Variants in BEAN1 observed in about 807,000 individuals in gnomAD.
The protein encoded by BEAN1 is protein BEAN1.
In BEAN1, 17 loss-of-function variants were observed where a neutral mutation model predicts 17.7. The observed-to-expected ratio is 0.96, with a 90% CI of 0.66 to 1.44. The LOEUF (loss-of-function observed/expected upper bound fraction) is 1.44. BEAN1 is among the 40% of genes most tolerant of loss of function. BEAN1 has a pLI of 0.00. For synonymous variants in BEAN1, 142 were observed against 151.8 expected, an observed-to-expected ratio of 0.94 and a Z score of 0.47; for missense variants, 359 against 374.1, an observed-to-expected ratio of 0.96 and a Z score of 0.33.
intron 2 of BEAN1, among the ~76,000 whole-genome samples, chr16:66,463,557 T>C (rs1254165029): frequency 4.6e-5 from 7 of 152,252 alleles, no homozygotes; most frequent in Admixed American, 4.6e-4. Flanking sequence ...ATGAGATAAG[T>C]GATACACAAA....
intron 1 of BEAN1, among the ~76,000 whole-genome samples, chr16:66,436,903 C>T (rs542282015): frequency 1.4e-4 from 21 of 152,114 alleles, no homozygotes; most frequent in African/African-American, 3.6e-4. Flanking sequence ...GTTTCTGAAT[C>T]GGTAATTTAA....
chr16:66,459,885 G>A (rs946086380), intron 2 of BEAN1, among the ~76,000 whole-genome samples: 5 of 152,180 alleles, frequency 3.3e-5, no homozygotes, highest in African/African-American at 9.7e-5. Context: ...ACTCTGTTCC[G>A]ACACTCTGCC....
chr16:66,484,951 C>T (rs1964066514), downstream of BEAN1: 1 of 454,008 alleles, frequency 2.2e-6, no homozygotes, highest in Non-Finnish European at 4.4e-6. This position sits in a 1 kb window ranked among gnomAD's most constrained non-coding sequence, Gnocchi z 4.2. Context: ...TCAGGGGAGT[C>T]ACCGTGCTGG....
chr16:66,428,715 A>G (rs1417703341), intron 1 of BEAN1, among the ~76,000 whole-genome samples: 1 of 152,124 alleles, frequency 6.6e-6, no homozygotes, highest in African/African-American at 2.4e-5. Flanking sequence ...CCAGTGGCCA[A>G]TTGTGGTGGG....
chr16:66,472,521 T>A (rs753398340), intron 3 of BEAN1, among the ~76,000 whole-genome samples: 1 of 151,418 alleles, frequency 6.6e-6, no homozygotes, highest in Non-Finnish European at 1.5e-5. Flanking sequence ...CTGGCCAACA[T>A]GGCAAAACCT....
At chr16:66,479,357 A>C (rs1309036276) in intron 4 of BEAN1, among the ~76,000 whole-genome samples, 1 of 152,100 alleles carries the variant, frequency 6.6e-6, no homozygotes, top group Non-Finnish European at 1.5e-5. Flanking sequence ...TCCCTGAGTC[A>C]GAGCAGAGGG....
chr16:66,462,544 G>A (rs1963123623), intron 2 of BEAN1, among the ~76,000 whole-genome samples: 1 of 152,344 alleles, frequency 6.6e-6, no homozygotes, highest in Admixed American at 6.5e-5. Flanking sequence ...GCTCACACCT[G>A]TAATCCCAGC....
intron 2 of BEAN1, among the ~76,000 whole-genome samples, chr16:66,443,041 C>T (rs7198295): frequency 0.49 from 75,253 of 152,038 alleles, 19,483 homozygotes; most frequent in African/African-American, 0.6. Context: ...ACCACTTCTG[C>T]GCTCAGAGCA....
downstream of BEAN1, among the ~76,000 whole-genome samples, chr16:66,494,168 C>T (rs1334234925): frequency 6.6e-6 from 1 of 152,180 alleles, no homozygotes; most frequent in East Asian, 1.9e-4. Context: ...ACTGTGATGT[C>T]CACCAGGAGG....
In BEAN1 at chr16:66,469,483, G is replaced by A. The variant is rs1052031806; in HGVS notation, c.26-119G>A. On this transcript the variant is annotated intron_variant, in intron 2 of 4. Transcript: ENST00000536005. ...CAGCCAGGATAGAGTCCGTGGGCCT[G>A]AGCCCAGACCCTCCTCCATTTATTT... 9.5e-6 allele frequency: 12 copies of A among 1,268,220 alleles called. No homozygotes were observed. The Admixed American group carries it at 1.7e-4, about 18-fold the overall frequency. The allele number at this position is 1,268,220 out of a possible 1,614,324, so 78.6% of individuals were successfully genotyped here. A position where few individuals can be genotyped will look rare whatever the true frequency, so the allele number is the denominator to read the frequency against.
chr16:66,465,938 C>T (rs1390503351), intron 2 of BEAN1, among the ~76,000 whole-genome samples: 1 of 152,178 alleles, frequency 6.6e-6, no homozygotes, highest in Admixed American at 6.5e-5. Flanking sequence ...GTAGTAACAC[C>T]TGTAACTGGG....
At chr16:66,469,272 C>T (rs923477993) in intron 2 of BEAN1, among the ~76,000 whole-genome samples, 1 of 152,264 alleles carries the variant, frequency 6.6e-6, no homozygotes, top group Non-Finnish European at 1.5e-5. Context: ...AGCCTCAGCT[C>T]TACCACTAAT....
At chr16:66,472,279 C>T (rs1963513843) in intron 3 of BEAN1, among the ~76,000 whole-genome samples, 1 of 152,290 alleles carries the variant, frequency 6.6e-6, no homozygotes, top group Non-Finnish European at 1.5e-5. Flanking sequence ...GATTGTGCTG[C>T]ATCCATGAGA....
downstream of BEAN1, chr16:66,485,665 T>A (rs1227042860): frequency 6.2e-6 from 1 of 161,136 alleles, no homozygotes; most frequent in Non-Finnish European, 1.4e-5. Flanking sequence ...AATCCAAGGT[T>A]GCAGGTCCTC....
chr16:66,491,143 C>G (rs1282634831), intron 4 of BEAN1, among the ~76,000 whole-genome samples: 1 of 152,210 alleles, frequency 6.6e-6, no homozygotes, highest in Non-Finnish European at 1.5e-5. Flanking sequence ...GGAGGGCCGG[C>G]TCGATGTCTG....
intron 2 of BEAN1, among the ~76,000 whole-genome samples, chr16:66,457,486 A>G (rs1164602524): frequency 6.6e-6 from 1 of 152,208 alleles, no homozygotes; most frequent in Non-Finnish European, 1.5e-5. Context: ...GACTTCTTGT[A>G]GAGATGCATC....
In BEAN1 at chr16:66,481,270, G is replaced by A. The variant is rs1020836040; in HGVS notation, c.*345G>A. On this transcript the variant is annotated 3_prime_UTR_variant, in exon 5 of 5. Coordinates refer to ENST00000536005, the MANE Select transcript of BEAN1 (RefSeq NM_001178020.3). This position sits in a 1 kb window ranked among gnomAD's most constrained non-coding sequence, Gnocchi z 4.1. The stretch of plus-strand genomic sequence containing the variant: ...CGCTTCGGAGAGAGAGGCGAAGTAG[G>A]AAGTGGGATTTTCTCTTCCCTCTCC... The A allele has an allele frequency of 7.5e-6, 3 of 399,480 alleles. No homozygotes were observed. The highest frequency in any genetic ancestry group is 6.2e-5 in the African/African-American group (3 of 48,630). The allele number at this position is 399,480 out of a possible 1,614,324, so 24.7% of individuals were successfully genotyped here. A position where few individuals can be genotyped will look rare whatever the true frequency, so the allele number is the denominator to read the frequency against.
chr16:66,484,360 T>G (rs1467649686), downstream of BEAN1: 11 of 345,700 alleles, frequency 3.2e-5, no homozygotes, highest in Non-Finnish European at 6.3e-5. This position sits in a 1 kb window ranked among gnomAD's most constrained non-coding sequence, Gnocchi z 4.2. Context: ...CCACAAAGAC[T>G]TAGGATCCCA....
intron 1 of BEAN1, among the ~76,000 whole-genome samples, chr16:66,435,162 G>A (rs922607246): frequency 3.9e-5 from 6 of 152,110 alleles, no homozygotes; most frequent in African/African-American, 1.4e-4. Context: ...AGGGTGTCTA[G>A]GAAGCAGGCC....
Sources: gnomAD v4.1 joint callset for allele counts (sites outside exome capture counted in the v4.1 genomes callset) on GRCh38, gnomAD v4.1.1 for gene constraint, Gnocchi (gnomAD v3.1) non-coding constraint, MANE v1.5 for transcripts, NCBI Gene and HGNC (gene_info 2026-07-23, HGNC 2026-07-21) for gene names.